CLTCL1: variants seen among roughly 807,000 people sequenced by gnomAD.
CLTCL1 encodes clathrin heavy chain like 1.
Under a neutral mutation model 190.0 loss-of-function variants are expected in CLTCL1, and 159 were observed. That is an observed-to-expected ratio of 0.84 (90% CI 0.74 to 0.95). CLTCL1 has a LOEUF of 0.95. Ranked by LOEUF, CLTCL1 falls within the 40% of genes least tolerant of loss-of-function variation. The pLI is 0.00. For synonymous variants in CLTCL1, 752 were observed against 769.6 expected, an observed-to-expected ratio of 0.98 and a Z score of 0.38; for missense variants, 1,878 against 2,033.4, an observed-to-expected ratio of 0.92 and a Z score of 1.47.
intron 11 of CLTCL1, among the ~76,000 whole-genome samples, chr22:19,229,050 A>G (rs1281352457): frequency 6.6e-6 from 1 of 152,204 alleles, no homozygotes; most frequent in Admixed American, 6.5e-5. Flanking sequence ...GTAAACATAG[A>G]ATTACTGTAG....
intron 2 of CLTCL1, among the ~76,000 whole-genome samples, chr22:19,267,895 C>CAA (rs570026830): frequency 1.1e-4 from 13 of 115,340 alleles, no homozygotes; most frequent in African/African-American, 3.9e-4. Flanking sequence ...GACTCTGTCT[C>CAA]AAAAAAAAAA....
At chr22:19,287,854 C>T (rs1046726898) in intron 1 of CLTCL1, among the ~76,000 whole-genome samples, 13 of 152,148 alleles carry the variant, frequency 8.5e-5, no homozygotes, top group African/African-American at 3.1e-4. Flanking sequence ...CTGACCATTT[C>T]CTGGCCTTCT....
intron 7 of CLTCL1, among the ~76,000 whole-genome samples, chr22:19,233,946 G>A (rs2085996635): frequency 6.6e-6 from 1 of 152,200 alleles, no homozygotes; most frequent in African/African-American, 2.4e-5. Flanking sequence ...CAAATTCACA[G>A]ATGAAGGCTA....
chr22:19,249,572 T>C (rs1409547349), intron 3 of CLTCL1, among the ~76,000 whole-genome samples: 2 of 151,776 alleles, frequency 1.3e-5, no homozygotes, highest in Non-Finnish European at 2.9e-5. Flanking sequence ...GGTGCACATC[T>C]ATAATCCCAG....
intron 3 of CLTCL1, among the ~76,000 whole-genome samples, chr22:19,246,938 C>T (rs2086437962): frequency 6.6e-6 from 1 of 152,080 alleles, no homozygotes; most frequent in African/African-American, 2.4e-5. Flanking sequence ...TATTACATCC[C>T]AGGTTGTCTT....
chr22:19,282,056 C>T (rs2087734265), intron 1 of CLTCL1, among the ~76,000 whole-genome samples: 1 of 151,930 alleles, frequency 6.6e-6, no homozygotes, highest in Admixed American at 6.6e-5. Context: ...GGCGGCCGGG[C>T]ACGGTGGCTC....
chr22:19,205,139 T>A lies in CLTCL1; in HGVS notation c.3600+3015A>T, dbSNP rs376945798. 4.6e-5 allele frequency among the ~76,000 whole-genome samples: 7 copies of A among 152,092 alleles called. No homozygotes were observed. The East Asian group carries it at 9.6e-4, about 21-fold the overall frequency. Reference sequence around the variant, plus strand: ...ACAGGCAAGTAAAAGAAAAGCAATATGATATTGCCAATTCCAAATCCCAGA... The same window carrying A: ...ACAGGCAAGTAAAAGAAAAGCAATAAGATATTGCCAATTCCAAATCCCAGA... On this transcript the variant is annotated intron_variant, in intron 22 of 32. Coordinates refer to ENST00000427926, the MANE Select transcript of CLTCL1 (RefSeq NM_007098.4).
Position 19,196,615 on chromosome 22 carries a change from C to G in CLTCL1, c.3915G>C (p.Ala1305=). 6.2e-7 allele frequency: 1 copy of G among 1,613,626 alleles called. No homozygotes were observed. The highest frequency in any genetic ancestry group is 1.1e-5 in the South Asian group (1 of 91,000). ...YFEELILLLE[A]ALGLERAHMG... ...TGTGGGCCCGCTCCAGGCCCAGGGCCGCTTCCAACAGCAAGATCAGCTCCT... is the reference window on the plus strand; with the variant it reads ...TGTGGGCCCGCTCCAGGCCCAGGGCGGCTTCCAACAGCAAGATCAGCTCCT... Residue 1305 remains alanine (A), a synonymous_variant, in exon 25 of 33, where the codon GCG becomes GCC. Transcript: ENST00000427926.
chr22:19,287,638 G>C (rs1186740155), intron 1 of CLTCL1, among the ~76,000 whole-genome samples: 1 of 152,154 alleles, frequency 6.6e-6, no homozygotes, highest in Non-Finnish European at 1.5e-5. Flanking sequence ...GACAAAGCTA[G>C]CATGACCATC....
intron 19 of CLTCL1, 135 bp from the exon 20 acceptor site, chr22:19,210,644 A>T: frequency 1.6e-6 from 1 of 636,248 alleles, no homozygotes; most frequent in African/African-American, 1.8e-5. Flanking sequence ...ACTGCTAAGT[A>T]AATACAACAG....
chr22:19,227,061 T>C (rs1416071892), intron 11 of CLTCL1, among the ~76,000 whole-genome samples: 1 of 151,978 alleles, frequency 6.6e-6, no homozygotes, highest in Non-Finnish European at 1.5e-5. Flanking sequence ...TTATAGGGTT[T>C]CTATGGCAAG....
rs782699333 is a variant in CLTCL1 at position 19,221,480 on chromosome 22, G to C, written c.2693C>G (p.Ala898Gly). The C allele has an allele frequency of 4.3e-5, 68 of 1,594,578 alleles. No individual in the cohort carries two copies. Among genetic ancestry groups the C allele is most frequent in the Non-Finnish European group, 5.6e-5 (65 of 1,170,348 alleles). The change falls in exon 17 of 33, where the codon GCC becomes GGC. Residue 898 changes from alanine (A) to glycine (G), a missense_variant. Coordinates refer to ENST00000427926, the MANE Select transcript of CLTCL1 (RefSeq NM_007098.4). ...NSPECFLREN[A>G]YYDSSVVGRY... is the part of the protein sequence containing the mutation. ...GCCCACCACGCTGCTGTCATAGTAG[G>C]CATTCTCTCTCAGGAAGCACTCGGG...
intron 2 of CLTCL1, 62 bp downstream of exon 2, chr22:19,275,561 T>A (rs2087471736): frequency 2.1e-5 from 31 of 1,466,698 alleles, no homozygotes; most frequent in Non-Finnish European, 2.7e-5. Context: ...TGTTCAATAT[T>A]TAAGGTAACA....
intron 13 of CLTCL1, 87 bp downstream of exon 13, chr22:19,225,366 C>G: frequency 2.2e-6 from 3 of 1,386,768 alleles, no homozygotes; most frequent in Non-Finnish European, 1.9e-6. Flanking sequence ...TGCAGGAAGG[C>G]CGTCTTAAGG....
chr22:19,180,986 G>T lies in CLTCL1; in HGVS notation c.4828-180C>A, dbSNP rs987968827. 4.9e-6 allele frequency: 3 copies of T among 607,808 alleles called. No homozygotes were observed. In the African/African-American group the frequency reaches 5.5e-5, roughly 11 times the overall value. The allele number at this position is 607,808 out of a possible 1,614,324, so 37.7% of individuals were successfully genotyped here. ...CCATGCACTTTTAGAATGCAGCAAGGCATGGAGAGGTGAAGCCTCGGTAGC... is the reference window on the plus strand; with the variant it reads ...CCATGCACTTTTAGAATGCAGCAAGTCATGGAGAGGTGAAGCCTCGGTAGC... On this transcript the variant is annotated intron_variant, in intron 30 of 32. Coordinates refer to ENST00000427926, the MANE Select transcript of CLTCL1 (RefSeq NM_007098.4).
intron 30 of CLTCL1, 52 bp from the exon 31 acceptor site, chr22:19,180,858 C>T (rs946627249): frequency 6.5e-7 from 1 of 1,539,156 alleles, no homozygotes; most frequent in African/African-American, 1.4e-5. Flanking sequence ...TGCAGTCCGG[C>T]CTCTAGGTGA....
intron 3 of CLTCL1, among the ~76,000 whole-genome samples, chr22:19,251,405 T>G (rs1569224007): frequency 6.6e-6 from 1 of 152,212 alleles, no homozygotes; most frequent in Non-Finnish European, 1.5e-5. Context: ...CAAGCTTATG[T>G]CATCTGCAAA....
intron 3 of CLTCL1, among the ~76,000 whole-genome samples, chr22:19,253,140 A>G (rs2086648837): frequency 2.6e-5 from 4 of 152,152 alleles, no homozygotes. Flanking sequence ...TTCCCATAAA[A>G]TTAAATGCTT....
At chr22:19,205,085 A>T (rs1334861319) in intron 22 of CLTCL1, among the ~76,000 whole-genome samples, 2 of 90,900 alleles carry the variant, frequency 2.2e-5, no homozygotes, top group Admixed American at 1.1e-4. Context: ...TTACATGATC[A>T]CTGATTAAAA....
Sources: allele counts gnomAD v4.1 joint callset (sites outside exome capture counted in the v4.1 genomes callset), GRCh38; gene constraint gnomAD v4.1.1; transcripts MANE v1.5; gene names NCBI Gene and HGNC (gene_info 2026-07-23, HGNC 2026-07-21).